HECTD4: variants seen among roughly 807,000 people sequenced by gnomAD.
HECTD4 encodes HECT domain E3 ubiquitin protein ligase 4.
In HECTD4, 114 loss-of-function variants were observed where a neutral mutation model predicts 471.5. The observed-to-expected ratio is 0.24, with a 90% CI of 0.21 to 0.28. HECTD4 has a LOEUF of 0.28. Among genes scored for constraint, HECTD4 ranks in the 10% least tolerant of loss-of-function variants. The probability of loss-of-function intolerance (pLI) is 1.00; values close to 1 mark genes in which losing one functional copy is unlikely to be tolerated. For synonymous variants in HECTD4, 2,012 were observed against 2,256.0 expected, an observed-to-expected ratio of 0.89 and a Z score of 3.07; for missense variants, 3,866 against 5,651.5, an observed-to-expected ratio of 0.68 and a Z score of 10.13.
intron 1 of HECTD4, among the ~76,000 whole-genome samples, chr12:112,335,700 C>CTA (rs767650569): frequency 1.3e-5 from 2 of 152,022 alleles, no homozygotes; most frequent in Non-Finnish European, 2.9e-5. Context: ...AAACAAAAGA[C>CTA]TATAAATTGG....
intron 7 of HECTD4, among the ~76,000 whole-genome samples, chr12:112,293,496 C>A (rs868761865): frequency 2.0e-5 from 3 of 151,988 alleles, no homozygotes; most frequent in Non-Finnish European, 4.4e-5. Flanking sequence ...GAGCCGAGAT[C>A]GTGCCACTGT....
At chr12:112,237,665 C>T (rs2033545092) in intron 34 of HECTD4, among the ~76,000 whole-genome samples, 1 of 152,152 alleles carries the variant, frequency 6.6e-6, no homozygotes, top group Non-Finnish European at 1.5e-5. Flanking sequence ...GTCTCTGGGA[C>T]CTCTACACTC....
chr12:112,205,264 C>T (rs1768861404), intron 52 of HECTD4, among the ~76,000 whole-genome samples: 1 of 151,906 alleles, frequency 6.6e-6, no homozygotes, highest in South Asian at 2.1e-4. Flanking sequence ...GGCAAAACCC[C>T]GTCTCTATTA....
chr12:112,215,260 C>G (rs989535716), intron 48 of HECTD4, among the ~76,000 whole-genome samples: 1 of 152,172 alleles, frequency 6.6e-6, no homozygotes, highest in Non-Finnish European at 1.5e-5. Context: ...GCAAAAGTAA[C>G]CTCCAGGCAG....
Position 112,252,570 on chromosome 12 carries a change from A to C in HECTD4, c.3448-42T>G, listed in dbSNP as rs759765936. 7 of 1,586,060 alleles carry C rather than the reference A, an allele frequency of 4.4e-6. No individual in the cohort carries two copies. In the African/African-American group the frequency reaches 9.5e-5, roughly 22 times the overall value. Reference sequence around the variant, plus strand: ...GGGGGGGAAATGCACTTTAAAAACAAGATACACAATTTCAAAAGAGCAATG... The same window carrying C: ...GGGGGGGAAATGCACTTTAAAAACACGATACACAATTTCAAAAGAGCAATG... On this transcript the variant is annotated intron_variant, in intron 22 of 75. Coordinates refer to ENST00000682272, the MANE Select transcript of HECTD4 (RefSeq NM_001388303.1).
intron 6 of HECTD4, among the ~76,000 whole-genome samples, chr12:112,307,885 T>C (rs561982383): frequency 6.6e-6 from 1 of 152,382 alleles, no homozygotes; most frequent in Non-Finnish European, 1.5e-5. Context: ...GTTCAAGTTC[T>C]GGTGCCGCTA....
chr12:112,173,202 C>A lies in HECTD4; in HGVS notation c.11595-341G>T, dbSNP rs2031299060. 6.6e-6 allele frequency among the ~76,000 whole-genome samples: 1 copy of A among 151,972 alleles called. No individual in the cohort carries two copies. On this transcript the variant is annotated intron_variant, in intron 66 of 75. Coordinates refer to ENST00000682272, the MANE Select transcript of HECTD4 (RefSeq NM_001388303.1). This position sits in a 1 kb window ranked among gnomAD's most constrained non-coding sequence, Gnocchi z 4.3. ...CTGCAGTGTGTCACACAACTTTTTT[C>A]TCCTTAGAGACAAAATCTTGCTCTG... is the stretch of plus-strand genomic sequence containing the variant.
intron 66 of HECTD4, among the ~76,000 whole-genome samples, chr12:112,174,247 G>C (rs1479859299): frequency 6.6e-6 from 1 of 151,806 alleles, no homozygotes; most frequent in African/African-American, 2.4e-5. Flanking sequence ...GGGATTACAG[G>C]TGTGAGCCAC....
Position 112,204,541 on chromosome 12 carries a change from G to A in HECTD4, c.8214C>T (p.Thr2738=), listed in dbSNP as rs2032519627. Residue 2738 remains threonine, a synonymous_variant, in exon 53 of 76, where the codon ACC becomes ACT. Coordinates refer to ENST00000682272, the MANE Select transcript of HECTD4 (RefSeq NM_001388303.1). ...GGIPRDLYLP[T]IEDIKDEANK... is the part of the protein sequence containing the mutation. ...TTGCTTCGTCTTTAATGTCTTCAAT[G>A]GTGGGAAGATAAAGGTCTCTTGGGA... The A allele has an allele frequency of 6.2e-7, 1 of 1,613,250 alleles. No individual in the cohort carries two copies. The highest frequency in any genetic ancestry group is 1.7e-5 in the Admixed American group (1 of 59,986).
chr12:112,217,671 A>T (rs992502786), intron 45 of HECTD4, among the ~76,000 whole-genome samples: 4 of 152,224 alleles, frequency 2.6e-5, no homozygotes, highest in Non-Finnish European at 4.4e-5. Flanking sequence ...TATATTTTTT[A>T]AAAAGTGTAT....
At chr12:112,325,437 T>G (rs977171573) in intron 1 of HECTD4, among the ~76,000 whole-genome samples, 1 of 152,170 alleles carries the variant, frequency 6.6e-6, no homozygotes, top group East Asian at 1.9e-4. Context: ...ATGCCACTGT[T>G]TTTTCAGAAT....
At chr12:112,183,325 G>C in intron 61 of HECTD4, 59 bp from the exon 62 acceptor site, 2 of 1,311,742 alleles carry the variant, frequency 1.5e-6, no homozygotes, top group South Asian at 1.2e-5. Flanking sequence ...TTCAGTGTGA[G>C]TGAACTTCTC....
In HECTD4 at chr12:112,192,586, G is replaced by C. The variant is rs934357087; in HGVS notation, c.9266C>G (p.Ser3089Cys). The C allele has an allele frequency of 1.3e-6, 2 of 1,596,542 alleles. No homozygotes were observed. The highest frequency in any genetic ancestry group is 1.7e-6 in the Non-Finnish European group (2 of 1,170,008). ...CAGTTTGATGTGGACCCTGTCTGTG[G>C]AGAGGACCACAGAGGGGTACTGGTC... ...TADQYPSVVL[S>C]TDRVHIKLGV... Residue 3089 changes from serine (S) to cysteine (C), a missense_variant, in exon 59 of 76, where the codon TCC (serine) becomes TGC (cysteine). Ser to Cys is a moderately radical substitution (Grantham distance 112). Transcript: ENST00000682272.
chr12:112,209,959 T>A (rs1421289230), intron 50 of HECTD4, 56 bp downstream of exon 50: 1 of 1,404,482 alleles, frequency 7.1e-7, no homozygotes, highest in Non-Finnish European at 9.9e-7. Flanking sequence ...ATGGAATTCA[T>A]AACATTCATG....
rs758211802 is a variant in HECTD4, at chr12:112,203,742, C to T, written c.8300G>A (p.Ser2767Asn). Residue 2767 changes from serine (S) to asparagine (N), a missense_variant, in exon 54 of 76, where the codon AGC becomes AAC. Physicochemically the swap from Ser to Asn is conservative, Grantham distance 46. Around this residue, in one of 16 missense-constraint regions of HECTD4, gnomAD observed 266 missense variants for 441.6 expected, o/e 0.60. Transcript: ENST00000682272. ...GLTVVTRSPDSNNVASSAVGT... is the reference protein window; with the variant it reads ...GLTVVTRSPDNNNVASSAVGT... ...AACAGCACTGCTGGCTACATTATTG[C>T]TGTCTGGAGAGCGGGTTACTACTGT... 14 of 1,612,178 alleles carry T rather than the reference C, an allele frequency of 8.7e-6. No individual in the cohort carries two copies. The highest frequency in any genetic ancestry group is 1.1e-5 in the Non-Finnish European group (13 of 1,179,118).
At chr12:112,206,494 C>CA (rs2032586150) in intron 52 of HECTD4, among the ~76,000 whole-genome samples, 1 of 143,752 alleles carries the variant, frequency 7.0e-6, no homozygotes, top group South Asian at 2.2e-4. Context: ...GAGACTCTCT[C>CA]AAAAAAATAA....
chr12:112,224,269 T>TTTA (rs1299818310), intron 44 of HECTD4, among the ~76,000 whole-genome samples: 36 of 141,346 alleles, frequency 2.5e-4, no homozygotes, highest in African/African-American at 9.4e-4. Flanking sequence ...TTAAGGATTC[T>TTTA]TTTTTTTTTT....
rs758975205 is a variant in HECTD4, at chr12:112,172,744, G to A, written c.11712C>T (p.Pro3904=). Residue 3904 remains proline (P), a synonymous_variant, in exon 67 of 76, where the codon CCC becomes CCT. Coordinates refer to ENST00000682272, the MANE Select transcript of HECTD4 (RefSeq NM_001388303.1). ...NQLCRHLAIT[P]ARLHPHEVYL... is the part of the protein sequence containing the mutation. ...ACACCTCATGGGGATGGAGCCGTGC[G>A]GGTGTGATGGCGAGGTGGCGGCATA... 4.4e-5 allele frequency: 71 copies of A among 1,614,010 alleles called. No homozygotes were observed. The highest frequency in any genetic ancestry group is 2.7e-4 in the Admixed American group (16 of 60,018).
intron 1 of HECTD4, among the ~76,000 whole-genome samples, chr12:112,380,448 G>A (rs1262144399): frequency 6.6e-6 from 1 of 151,630 alleles, no homozygotes; most frequent in Admixed American, 6.6e-5. Context: ...CGGTCTCGGG[G>A]GAAAAAAAAG....
Sources: gnomAD v4.1 joint callset for allele counts (sites outside exome capture counted in the v4.1 genomes callset) on GRCh38, gnomAD v4.1.1 for gene constraint, gnomAD v4.1.1 regional missense constraint, Gnocchi (gnomAD v3.1) non-coding constraint, MANE v1.5 for transcripts, NCBI Gene and HGNC (gene_info 2026-07-23, HGNC 2026-07-21) for gene names.